The following CNTNAP2 variants were observed in gnomAD, a reference collection of about 807,000 sequenced individuals.
CNTNAP2 encodes contactin-associated protein-like 2.
CNTNAP2 carries 98 observed loss-of-function variants against 155.2 expected under a neutral mutation model. The ratio of observed to expected loss-of-function variants is 0.63; its 90% CI spans 0.54 to 0.75. The LOEUF (loss-of-function observed/expected upper bound fraction) is 0.75. CNTNAP2 is among the 30% of genes least tolerant of loss of function. The pLI is 0.00. For missense variants in CNTNAP2, 1,727 were observed against 1,688.1 expected, an observed-to-expected ratio of 1.02 and a Z score of -0.40; for synonymous variants, 651 against 631.2, an observed-to-expected ratio of 1.03 and a Z score of -0.47.
At chr7:146,883,888 C>T (rs1395755237) in intron 3 of CNTNAP2, among the ~76,000 whole-genome samples, 2 of 151,870 alleles carry the variant, frequency 1.3e-5, no homozygotes, top group East Asian at 3.9e-4. Context: ...CCACTTTCTG[C>T]TAATATATAA....
intron 10 of CNTNAP2, among the ~76,000 whole-genome samples, chr7:147,464,297 C>T (rs1456582861): frequency 6.6e-6 from 1 of 151,678 alleles, no homozygotes; most frequent in African/African-American, 2.4e-5. Context: ...GAAACCCTGT[C>T]TCTACTAAAA....
chr7:146,861,764 A>G (rs1795106306), intron 3 of CNTNAP2, among the ~76,000 whole-genome samples: 1 of 152,152 alleles, frequency 6.6e-6, no homozygotes, highest in Admixed American at 6.5e-5. Flanking sequence ...TCATCTGACT[A>G]CATGAATGGC....
chr7:148,366,307 T>TGTAC (rs1269888554), intron 21 of CNTNAP2, among the ~76,000 whole-genome samples: 110 of 151,672 alleles, frequency 7.3e-4, no homozygotes, highest in South Asian at 4.7e-3. Context: ...TATATGTATG[T>TGTAC]ATGTATACAT....
At chr7:148,333,357 G>A (rs1225433197) in intron 21 of CNTNAP2, among the ~76,000 whole-genome samples, 1 of 151,698 alleles carries the variant, frequency 6.6e-6, no homozygotes, top group Non-Finnish European at 1.5e-5. Flanking sequence ...GAACCTGGGA[G>A]GCAGAGGTTG....
At chr7:146,527,108 C>T (rs1352045737) in intron 1 of CNTNAP2, among the ~76,000 whole-genome samples, 3 of 151,982 alleles carry the variant, frequency 2.0e-5, no homozygotes, top group Non-Finnish European at 4.4e-5. Context: ...AAAAAAATCC[C>T]TCCTCTTCTT....
chr7:146,321,655 G>C (rs764419328), intron 1 of CNTNAP2, among the ~76,000 whole-genome samples: 1 of 152,124 alleles, frequency 6.6e-6, no homozygotes. Context: ...TTTTGCTCCA[G>C]AATAAAGCGA....
intron 9 of CNTNAP2, among the ~76,000 whole-genome samples, chr7:147,360,771 A>G (rs1796135465): frequency 6.6e-6 from 1 of 152,126 alleles, no homozygotes; most frequent in African/African-American, 2.4e-5. Context: ...CTCACCAGCC[A>G]TTTCGACCCC....
intron 1 of CNTNAP2, among the ~76,000 whole-genome samples, chr7:146,125,579 T>A (rs1584761069): frequency 1.4e-5 from 1 of 69,184 alleles, no homozygotes. Context: ...AGACTCCGTC[T>A]CCAAAAAAAA....
At chr7:147,198,847 A>G (rs80291836) in intron 8 of CNTNAP2, among the ~76,000 whole-genome samples, 2,054 of 151,854 alleles carry the variant, frequency 0.014, 41 homozygotes, top group African/African-American at 0.047. Flanking sequence ...CTTTTGAAAG[A>G]TTTATAGGAA....
chr7:147,451,078 A>G (rs1189877578), intron 10 of CNTNAP2, among the ~76,000 whole-genome samples: 2 of 152,198 alleles, frequency 1.3e-5, no homozygotes. Flanking sequence ...TTCTTCCACT[A>G]TCTACCAACG....
chr7:146,473,424 A>AT (rs1584941434), intron 1 of CNTNAP2, among the ~76,000 whole-genome samples: 1 of 150,110 alleles, frequency 6.7e-6, no homozygotes, highest in African/African-American at 2.5e-5. Context: ...TTCTTTTCCT[A>AT]TTTTTTCCTT....
At chr7:146,514,466 G>T (rs1384938311) in intron 1 of CNTNAP2, among the ~76,000 whole-genome samples, 5 of 151,834 alleles carry the variant, frequency 3.3e-5, no homozygotes, top group Non-Finnish European at 7.4e-5. Context: ...TTGTCTTTTA[G>T]TTCACTGATT....
chr7:147,978,544 G>C (rs970775985), intron 15 of CNTNAP2, among the ~76,000 whole-genome samples: 8 of 152,126 alleles, frequency 5.3e-5, no homozygotes, highest in African/African-American at 1.9e-4. Flanking sequence ...ACCCCAGAGA[G>C]GAATTTGGGG....
intron 1 of CNTNAP2, among the ~76,000 whole-genome samples, chr7:146,391,996 G>A (rs1443378676): frequency 2.0e-5 from 3 of 151,948 alleles, no homozygotes; most frequent in Non-Finnish European, 1.5e-5. Flanking sequence ...AAAAGTTAAA[G>A]AAAAAAGAAA....
chr7:146,819,005 C>G (rs186064894), intron 2 of CNTNAP2, among the ~76,000 whole-genome samples: 1 of 152,042 alleles, frequency 6.6e-6, no homozygotes, highest in Admixed American at 6.6e-5. Context: ...AATCCTGAAT[C>G]ATATTATTTA....
intron 8 of CNTNAP2, among the ~76,000 whole-genome samples, chr7:147,299,321 G>T (rs1794896324): frequency 6.6e-6 from 1 of 151,990 alleles, no homozygotes; most frequent in Non-Finnish European, 1.5e-5. Flanking sequence ...AAAGCTTTAA[G>T]CTACTGTCCA....
chr7:147,402,962 A>C (rs529079516), intron 10 of CNTNAP2, among the ~76,000 whole-genome samples: 45 of 147,388 alleles, frequency 3.1e-4, no homozygotes, highest in African/African-American at 1.0e-3. Context: ...GAAAAAAAAA[A>C]AAAAAAAAAC....
rs1805120448 is a variant in CNTNAP2, at chr7:147,284,156, A to G, written c.1349-15985A>G. ...AAGTATTTATTTTAATGTGCCCTAAATAACGTGTTTTTTTCCCCCCAAATC... is the reference window on the plus strand; with the variant it reads ...AAGTATTTATTTTAATGTGCCCTAAGTAACGTGTTTTTTTCCCCCCAAATC... On this transcript the variant is annotated intron_variant, in intron 8 of 23. Transcript: ENST00000361727. Among the ~76,000 whole-genome samples, 4 of 151,640 alleles carry G rather than the reference A, an allele frequency of 2.6e-5. No homozygotes were observed. The South Asian group carries it at 8.3e-4, about 31-fold the overall frequency.
chr7:147,581,194 C>G (rs1296443722), intron 12 of CNTNAP2, among the ~76,000 whole-genome samples: 1 of 152,154 alleles, frequency 6.6e-6, no homozygotes, highest in South Asian at 2.1e-4. Context: ...ATTTTTGTCA[C>G]TTCATTATAA....
Sources: allele counts gnomAD v4.1 joint callset (sites outside exome capture counted in the v4.1 genomes callset), GRCh38; gene constraint gnomAD v4.1.1; transcripts MANE v1.5; gene names NCBI Gene and HGNC (gene_info 2026-07-23, HGNC 2026-07-21).